RBM11: variants seen among roughly 807,000 people sequenced by gnomAD.
RBM11 encodes the protein RNA binding motif protein 11.
Under a neutral mutation model 21.4 loss-of-function variants are expected in RBM11, and 18 were observed. The ratio of observed to expected loss-of-function variants is 0.84; its 90% CI spans 0.58 to 1.25. The LOEUF (loss-of-function observed/expected upper bound fraction) is 1.25, where lower values mean the gene tolerates loss of function less well. Among genes scored for constraint, RBM11 ranks in the 50% most tolerant of loss-of-function variants. RBM11 has a pLI of 0.00. For synonymous variants in RBM11, 120 were observed against 116.3 expected (o/e 1.03, Z -0.20); for missense variants, 294 against 331.9 (o/e 0.89, Z 0.89).
intron 4 of RBM11, 78 bp from the exon 5 acceptor site, chr21:14,226,802 A>G: frequency 3.3e-6 from 5 of 1,526,956 alleles, no homozygotes; most frequent in Non-Finnish European, 4.4e-6. Flanking sequence ...TGGCTATTGT[A>G]TAATACATGT....
chr21:14,217,710 A>G (rs1339305440), intron 1 of RBM11, among the ~76,000 whole-genome samples: 1 of 152,086 alleles, frequency 6.6e-6, no homozygotes, highest in East Asian at 1.9e-4. Context: ...ATCATTTAAA[A>G]CTTACTATAT....
Position 14,228,322 on chromosome 21 carries a change from C to G in RBM11, c.*1029C>G, listed in dbSNP as rs954130726. 1.3e-5 allele frequency: 2 copies of G among 151,858 alleles called. No homozygotes were observed. Among genetic ancestry groups the G allele is most frequent in the African/African-American group, 4.8e-5 (2 of 41,344 alleles). 9.4% of individuals were successfully genotyped at this position (151,858 alleles called of 1,614,324 possible). Reference sequence around the variant, plus strand: ...GATGTTTCTTTTGCATGTTGCCTAGCATTTTATAGATATTTATTATTTAAA... The same window carrying G: ...GATGTTTCTTTTGCATGTTGCCTAGGATTTTATAGATATTTATTATTTAAA... On this transcript the variant is annotated 3_prime_UTR_variant, in exon 5 of 5. Coordinates refer to ENST00000400577, the MANE Select transcript of RBM11 (RefSeq NM_144770.5).
intron 4 of RBM11, 122 bp downstream of exon 4, chr21:14,224,659 A>G (rs1292203840): frequency 1.5e-6 from 2 of 1,356,876 alleles, no homozygotes; most frequent in East Asian, 5.3e-5. Flanking sequence ...ATGTCCCAGC[A>G]CTGTCCTCCA....
chr21:14,225,276 A>G lies in RBM11; in HGVS notation c.432+739A>G, dbSNP rs138490468. ...ACAAAACTATCCTTCTTGAGTATAT[A>G]CTTAGTCCTTCATGCACACATCACA... On this transcript the variant is annotated intron_variant, in intron 4 of 4. Transcript: ENST00000400577. 6.8e-3 allele frequency among the ~76,000 whole-genome samples: 1,030 copies of G among 152,288 alleles called. 11 individuals carry two copies. The highest frequency in any genetic ancestry group is 0.01 in the Non-Finnish European group (687 of 68,028).
In RBM11 at chr21:14,216,287, C is replaced by A. The variant is rs756359788; in HGVS notation, c.96+5C>A. ...CTGTACGAGCTGTTCCTTCAGGTAC[C>A]GTCTCTGGGAAGGGGCGGCGGAGGG... On this transcript the variant is annotated splice_donor_5th_base_variant and intron_variant, in intron 1 of 4. Coordinates refer to ENST00000400577, the MANE Select transcript of RBM11 (RefSeq NM_144770.5). The A allele has an allele frequency of 5.0e-6, 8 of 1,612,428 alleles. No individual in the cohort carries two copies. Among genetic ancestry groups the A allele is most frequent in the Middle Eastern group, 1.7e-4 (1 of 6,060 alleles).
intron 1 of RBM11, among the ~76,000 whole-genome samples, 172 bp downstream of exon 1, chr21:14,216,454 G>T (rs56113127): frequency 6.6e-6 from 1 of 151,848 alleles, no homozygotes; most frequent in East Asian, 2.0e-4. Context: ...GGAGTGAAAT[G>T]AGGGCGCGTT....
At chr21:14,216,586 C>T (rs1028464441) in intron 1 of RBM11, among the ~76,000 whole-genome samples, 1 of 152,138 alleles carries the variant, frequency 6.6e-6, no homozygotes, top group African/African-American at 2.4e-5. Context: ...CGGGCAGAAC[C>T]GAAAACAGCC....
intron 1 of RBM11, among the ~76,000 whole-genome samples, chr21:14,216,656 C>A (rs2020453199): frequency 6.6e-6 from 1 of 152,292 alleles, no homozygotes. Flanking sequence ...GGAGAGGGGT[C>A]GCTTTTATAA....
At chr21:14,226,227 A>G (rs1339051717) in intron 4 of RBM11, among the ~76,000 whole-genome samples, 2 of 152,202 alleles carry the variant, frequency 1.3e-5, no homozygotes, top group Non-Finnish European at 2.9e-5. Context: ...TTTACATATT[A>G]AAGTTATAAC....
chr21:14,216,211 G>T lies in RBM11; in HGVS notation c.25G>T (p.Asp9Tyr). 2 of 1,613,776 alleles carry T rather than the reference G, an allele frequency of 1.2e-6. No homozygotes were observed. Among genetic ancestry groups the T allele is most frequent in the Non-Finnish European group, 1.7e-6 (2 of 1,179,786 alleles). ...GATGTTCCCTGCTCAGGAGGAGGCC[G>T]ACAGGACCGTGTTTGTTGGGAATTT... is the stretch of plus-strand genomic sequence containing the variant. MFPAQEEA[D>Y]RTVFVGNLEA... is the part of the protein sequence containing the mutation. The change falls in exon 1 of 5, where the codon GAC becomes TAC. Residue 9 changes from aspartate (D) to tyrosine (Y), a missense_variant. Coordinates refer to ENST00000400577, the MANE Select transcript of RBM11 (RefSeq NM_144770.5).
intron 3 of RBM11, chr21:14,221,558 T>A (rs948312392): frequency 6.5e-6 from 1 of 154,454 alleles, no homozygotes; most frequent in African/African-American, 2.4e-5. Context: ...AGTGCTAGCT[T>A]TGAAACTAAG....
chr21:14,222,880 A>G lies in RBM11; in HGVS notation c.333-1558A>G, dbSNP rs147854834. The stretch of plus-strand genomic sequence containing the variant: ...AGGTGCTTAAAATACTGAGCATACA[A>G]TGTTCCGCAAATGTTAGCATAAAGG... On this transcript the variant is annotated intron_variant, in intron 3 of 4. Transcript: ENST00000400577. Among the ~76,000 whole-genome samples the G allele has an allele frequency of 6.2e-4, 95 of 152,318 alleles. 1 individual carries two copies. The highest frequency in any genetic ancestry group is 2.1e-3 in the African/African-American group (88 of 41,572).
chr21:14,218,485 G>A (rs1286632327), intron 1 of RBM11, among the ~76,000 whole-genome samples: 2 of 152,116 alleles, frequency 1.3e-5, no homozygotes, highest in Non-Finnish European at 2.9e-5. Flanking sequence ...GACATCTCCA[G>A]GAGGTGTCTC....
rs913771742 is a variant in RBM11, at chr21:14,227,083, G to A, written c.636G>A (p.Val212=). The A allele has an allele frequency of 6.2e-7, 1 of 1,613,382 alleles. No individual in the cohort carries two copies. Among genetic ancestry groups the A allele is most frequent in the Non-Finnish European group, 8.5e-7 (1 of 1,179,848 alleles). ...CTCCACTTCCTAATAGTGCATCCGT[G>A]TCTTCCTCACTGAATCATGTTCCAG... ...MTAPLPNSAS[V]SSSLNHVPDL... is the part of the protein sequence containing the mutation. Residue 212 remains valine, a synonymous_variant, in exon 5 of 5, where the codon GTG becomes GTA. Transcript: ENST00000400577.
At chr21:14,225,143 A>G (rs2123409086) in intron 4 of RBM11, among the ~76,000 whole-genome samples, 1 of 152,300 alleles carries the variant, frequency 6.6e-6, no homozygotes, top group East Asian at 1.9e-4. Flanking sequence ...AGAATTGCAT[A>G]ATTTGAATAA....
intron 1 of RBM11, 70 bp downstream of exon 1, chr21:14,216,352 C>A: frequency 7.6e-7 from 1 of 1,310,366 alleles, no homozygotes; most frequent in Non-Finnish European, 1.1e-6. Flanking sequence ...CGCACCTGGA[C>A]CACCCGGAGC....
chr21:14,219,590 T>C lies in RBM11; in HGVS notation c.124T>C (p.Cys42Arg). Residue 42 changes from cysteine to arginine, a missense_variant, in exon 2 of 5, where the codon TGC becomes CGC. Cys to Arg is a radical substitution (Grantham distance 180). Coordinates refer to ENST00000400577, the MANE Select transcript of RBM11 (RefSeq NM_144770.5). ...GGGGCCACTAACCAAAGTGACTATA[T>C]GCAAAGACAGAGAAGGAAAGCCAAA... is the stretch of plus-strand genomic sequence containing the variant. ...QAGPLTKVTI[C>R]KDREGKPKSF... The C allele has an allele frequency of 6.3e-7, 1 of 1,580,696 alleles. No homozygotes were observed. Among genetic ancestry groups the C allele is most frequent in the East Asian group, 2.3e-5 (1 of 44,240 alleles).
intron 1 of RBM11, among the ~76,000 whole-genome samples, 195 bp downstream of exon 1, chr21:14,216,477 C>T (rs79898733): frequency 0.13 from 19,447 of 152,154 alleles, 1,509 homozygotes; most frequent in Non-Finnish European, 0.18. Context: ...CCATCCCCAT[C>T]CGCGCTGCAG....
chr21:14,216,304 G>T, intron 1 of RBM11, 22 bp downstream of exon 1: 1 of 1,599,316 alleles, frequency 6.3e-7, no homozygotes, highest in African/African-American at 1.3e-5. Flanking sequence ...GGGAAGGGGC[G>T]GCGGAGGGGC....
Sources: allele counts gnomAD v4.1 joint callset (sites outside exome capture counted in the v4.1 genomes callset), GRCh38; gene constraint gnomAD v4.1.1; transcripts MANE v1.5; gene names NCBI Gene and HGNC (gene_info 2026-07-23, HGNC 2026-07-21).